PHF20L1: variants seen among roughly 807,000 people sequenced by gnomAD.
The protein encoded by PHF20L1 is PHD finger protein 20 like 1.
PHF20L1 carries 44 observed loss-of-function variants against 125.5 expected under a neutral mutation model. The ratio of observed to expected loss-of-function variants is 0.35; its 90% CI spans 0.28 to 0.45. PHF20L1 has a LOEUF of 0.45. PHF20L1 is among the 20% of genes least tolerant of loss of function. The pLI, the probability that PHF20L1 is intolerant of heterozygous loss-of-function variation, is 1.00. For missense variants in PHF20L1, 1,012 were observed against 1,217.2 expected (o/e 0.83, Z 2.51); for synonymous variants, 380 against 403.1 (o/e 0.94, Z 0.69).
Position 132,848,476 on chromosome 8 carries a change from G to A in PHF20L1, c.*2553G>A, listed in dbSNP as rs2131985937. ...TATCACTATATGTATTTAAATAGAA[G>A]CAATAAACTAGAGAGAGTGTTTCTT... On this transcript the variant is annotated 3_prime_UTR_variant, in exon 21 of 21. Transcript: ENST00000395386. The A allele has an allele frequency of 6.6e-6, 1 of 152,590 alleles. No homozygotes were observed. Among genetic ancestry groups the A allele is most frequent in the South Asian group, 2.1e-4 (1 of 4,818 alleles). The allele number at this position is 152,590 out of a possible 1,614,324, so 9.5% of individuals were successfully genotyped here.
intron 4 of PHF20L1, among the ~76,000 whole-genome samples, chr8:132,795,742 T>C (rs1832310056): frequency 6.6e-6 from 1 of 151,972 alleles, no homozygotes; most frequent in Non-Finnish European, 1.5e-5. Flanking sequence ...CTGAACCCTA[T>C]ATATACTATG....
Position 132,814,885 on chromosome 8 carries a change from A to C in PHF20L1, c.1179A>C (p.Lys393Asn). The change falls in exon 10 of 21, where the codon AAA (lysine) becomes AAC (asparagine). Residue 393 changes from lysine to asparagine, a missense_variant. Lys to Asn is a moderately conservative substitution (Grantham distance 94). Transcript: ENST00000395386. ...VSQLSSSVIN[K>N]TSPPQPVNPP... ...AGCTTTCTTCTTCAGTGATAAATAA[A>C]ACTAGTGAGCACAGATTTTTAAAAA... The C allele has an allele frequency of 6.3e-7, 1 of 1,594,798 alleles. No individual in the cohort carries two copies. The highest frequency in any genetic ancestry group is 8.6e-7 in the Non-Finnish European group (1 of 1,165,584).
At chr8:132,781,445 G>T (rs1477076594) in intron 2 of PHF20L1, among the ~76,000 whole-genome samples, 1 of 151,774 alleles carries the variant, frequency 6.6e-6, no homozygotes, top group Non-Finnish European at 1.5e-5. Flanking sequence ...ACAGAGTCTT[G>T]CTCTTTCGCC....
At chr8:132,823,025 T>C (rs962896731) in intron 12 of PHF20L1, among the ~76,000 whole-genome samples, 4 of 152,012 alleles carry the variant, frequency 2.6e-5, no homozygotes, top group African/African-American at 9.7e-5. Context: ...ATTGATTAAA[T>C]GTACCTGTGT....
chr8:132,842,919 G>T, intron 19 of PHF20L1, 44 bp downstream of exon 19: 1 of 1,526,762 alleles, frequency 6.5e-7, no homozygotes, highest in South Asian at 1.3e-5. Flanking sequence ...TATGAGAGAA[G>T]AACAAAGGAA....
At chr8:132,815,302 A>G (rs1834839094) in intron 10 of PHF20L1, 1 of 152,148 alleles carries the variant, frequency 6.6e-6, no homozygotes, top group Non-Finnish European at 1.5e-5. Flanking sequence ...TTCTTATTAT[A>G]ATATTTATAG....
Position 132,842,653 on chromosome 8 carries a change from T to C in PHF20L1, c.2526T>C (p.His842=). The C allele has an allele frequency of 1.9e-6, 3 of 1,613,054 alleles. No homozygotes were observed. The highest frequency in any genetic ancestry group is 2.5e-6 in the Non-Finnish European group (3 of 1,179,504). The stretch of plus-strand genomic sequence containing the variant: ...AAGAAAAGAAATATGTACAGAACCA[T>C]AAAGAACCACCTCGTTTGCCCCTAA... ...NREEKKYVQN[H]KEPPRLPLKM... Residue 842 remains histidine (H), a synonymous_variant, in exon 19 of 21, where the codon CAT becomes CAC. Transcript: ENST00000395386.
chr8:132,813,696 A>G (rs1392733781), intron 9 of PHF20L1, among the ~76,000 whole-genome samples: 3 of 152,136 alleles, frequency 2.0e-5, no homozygotes, highest in African/African-American at 4.8e-5. Context: ...TCAGATAAGT[A>G]TATCAGAAAG....
chr8:132,786,009 A>T (rs1056557560), intron 2 of PHF20L1, among the ~76,000 whole-genome samples: 1 of 152,114 alleles, frequency 6.6e-6, no homozygotes, highest in African/African-American at 2.4e-5. Flanking sequence ...AAGTTTTGGG[A>T]TATCTTGAAA....
chr8:132,794,592 A>C lies in PHF20L1; in HGVS notation c.255+11A>C, dbSNP rs368391489. The stretch of plus-strand genomic sequence containing the variant: ...GAGGAAGATTTCTTTGTAAGTAGCA[A>C]GTTTTTTCTGTTTGCTAGTTTTGCC... On this transcript the variant is annotated intron_variant, in intron 3 of 20. Transcript: ENST00000395386. The C allele has an allele frequency of 6.3e-7, 1 of 1,596,396 alleles. No individual in the cohort carries two copies. The highest frequency in any genetic ancestry group is 8.6e-7 in the Non-Finnish European group (1 of 1,169,328).
intron 9 of PHF20L1, among the ~76,000 whole-genome samples, chr8:132,813,783 C>T (rs1461251296): frequency 6.6e-6 from 1 of 151,952 alleles, no homozygotes; most frequent in Non-Finnish European, 1.5e-5. Flanking sequence ...AAAATGGACA[C>T]ATTCACACAT....
intron 19 of PHF20L1, chr8:132,843,581 A>G (rs1199893074): frequency 5.1e-6 from 5 of 982,594 alleles, no homozygotes; most frequent in Non-Finnish European, 4.8e-6. Context: ...AAAATGAGTT[A>G]TCTCTGGCAA....
intron 18 of PHF20L1, 22 bp from the exon 19 acceptor site, chr8:132,842,484 TGAACTGCTG>T: frequency 6.5e-7 from 1 of 1,535,282 alleles, no homozygotes; most frequent in Non-Finnish European, 8.7e-7. Flanking sequence ...TTTTTTTTTC[TGAACTGCTG>T]TTTTTCCAAC....
At chr8:132,844,696 G>C (rs539924750) in intron 20 of PHF20L1, among the ~76,000 whole-genome samples, 8 of 152,146 alleles carry the variant, frequency 5.3e-5, no homozygotes, top group South Asian at 2.1e-4. Flanking sequence ...TTTTTACTTT[G>C]GTTAGCACTT....
chr8:132,829,604 C>CT (rs1186785283), intron 14 of PHF20L1, among the ~76,000 whole-genome samples: 1 of 152,006 alleles, frequency 6.6e-6, no homozygotes, highest in African/African-American at 2.4e-5. Context: ...TCAGCATCAT[C>CT]TGGGAGTGTT....
In PHF20L1 at chr8:132,836,669, A is replaced by C. The variant is rs1428308001; in HGVS notation, c.2039A>C (p.Glu680Ala). Residue 680 changes from glutamate (E) to alanine (A), a missense_variant, in exon 16 of 21, where the codon GAA becomes GCA. Physicochemically the swap from Glu to Ala is moderately radical, Grantham distance 107. This residue lies in a region of PHF20L1 where 320 missense variants were observed against 293.8 expected (regional missense o/e 1.09). Coordinates refer to ENST00000395386, the MANE Select transcript of PHF20L1 (RefSeq NM_016018.5). Reference protein sequence around the residue: ...ESQDEDDALNEIVRCICEMDE... With the variant: ...ESQDEDDALNAIVRCICEMDE... Reference sequence around the variant, plus strand: ...CAGGATGAGGATGATGCTCTTAATGAAATTGTGCGATGTATTTGTGAGATG... The same window carrying C: ...CAGGATGAGGATGATGCTCTTAATGCAATTGTGCGATGTATTTGTGAGATG... The C allele has an allele frequency of 1.9e-6, 3 of 1,613,150 alleles. No homozygotes were observed. In the African/African-American group the frequency reaches 4.0e-5, roughly 22 times the overall value.
chr8:132,789,857 C>T (rs1424295309), intron 2 of PHF20L1, among the ~76,000 whole-genome samples: 1 of 152,092 alleles, frequency 6.6e-6, no homozygotes, highest in Non-Finnish European at 1.5e-5. Flanking sequence ...ACTGAGAAAT[C>T]CTACTTTTAG....
chr8:132,840,072 G>T (rs1837777125), intron 18 of PHF20L1, among the ~76,000 whole-genome samples: 1 of 152,032 alleles, frequency 6.6e-6, no homozygotes, highest in South Asian at 2.1e-4. Context: ...TCTTAAACAA[G>T]TCTTTAAAGA....
intron 14 of PHF20L1, among the ~76,000 whole-genome samples, chr8:132,828,344 A>C (rs935770541): frequency 1.3e-5 from 2 of 152,024 alleles, no homozygotes; most frequent in Non-Finnish European, 2.9e-5. Context: ...GAGAGTGAGA[A>C]AGAGAGCTCT....
Sources: gnomAD v4.1 joint callset for allele counts (sites outside exome capture counted in the v4.1 genomes callset) on GRCh38, gnomAD v4.1.1 for gene constraint, gnomAD v4.1.1 regional missense constraint, MANE v1.5 for transcripts, NCBI Gene and HGNC (gene_info 2026-07-23, HGNC 2026-07-21) for gene names.